The following GALNT17 variants were observed in gnomAD, a reference collection of about 807,000 sequenced individuals.
GALNT17 encodes polypeptide N-acetylgalactosaminyltransferase 17.
GALNT17 carries 29 observed loss-of-function variants against 63.7 expected under a neutral mutation model. The ratio of observed to expected loss-of-function variants is 0.46; its 90% confidence interval spans 0.34 to 0.62. GALNT17 has a LOEUF of 0.62. Among genes scored for constraint, GALNT17 ranks in the 20% least tolerant of loss-of-function variants. The pLI is 0.01. For synonymous variants in GALNT17, 305 were observed against 318.3 expected (o/e 0.96, Z 0.45); for missense variants, 603 against 799.6 (o/e 0.75, Z 2.97).
intron 5 of GALNT17, among the ~76,000 whole-genome samples, chr7:71,497,134 G>A (rs1788109503): frequency 6.6e-6 from 1 of 152,088 alleles, no homozygotes; most frequent in Admixed American, 6.5e-5. Flanking sequence ...ATTTGTCTAG[G>A]GAGGGAGATG....
chr7:71,224,020 G>A (rs1229675021), intron 1 of GALNT17, among the ~76,000 whole-genome samples: 1 of 151,962 alleles, frequency 6.6e-6, no homozygotes, highest in Non-Finnish European at 1.5e-5. Context: ...ATTTTGATGA[G>A]GTTTCAGAAA....
intron 1 of GALNT17, among the ~76,000 whole-genome samples, chr7:71,216,207 A>G (rs1732849149): frequency 6.6e-6 from 1 of 152,124 alleles, no homozygotes; most frequent in Non-Finnish European, 1.5e-5. Flanking sequence ...ACAGAGCAAG[A>G]CCCTGTCACA....
chr7:71,703,132 G>T (rs1301249332), intron 9 of GALNT17, among the ~76,000 whole-genome samples: 1 of 152,216 alleles, frequency 6.6e-6, no homozygotes, highest in Admixed American at 6.5e-5. Context: ...CTACATATAG[G>T]AGAAGTTATA....
chr7:71,495,006 C>T (rs1788072389), intron 5 of GALNT17, among the ~76,000 whole-genome samples: 2 of 152,198 alleles, frequency 1.3e-5, no homozygotes, highest in Non-Finnish European at 2.9e-5. Flanking sequence ...TGCAGTGGCT[C>T]ATGCCTGTAA....
chr7:71,314,275 G>A (rs879684951), intron 1 of GALNT17, among the ~76,000 whole-genome samples: 22 of 152,054 alleles, frequency 1.4e-4, no homozygotes, highest in Admixed American at 3.3e-4. Flanking sequence ...GTGTGTGTCC[G>A]TGTCCATGAC....
chr7:71,132,987 C>T lies in GALNT17; in HGVS notation c.185C>T (p.Ala62Val). ...SAHSASPIQDAVLKRLSLLED... is the reference protein window; with the variant it reads ...SAHSASPIQDVVLKRLSLLED... Reference sequence around the variant, plus strand: ...CACAGCGCCAGCCCCATCCAGGATGCGGTCCTGAAGCGCCTGTCGCTGCTG... The same window carrying T: ...CACAGCGCCAGCCCCATCCAGGATGTGGTCCTGAAGCGCCTGTCGCTGCTG... Residue 62 changes from alanine (A) to valine (V), a missense_variant, in exon 1 of 11, where the codon GCG becomes GTG. By Grantham distance (64) the Ala-to-Val change is moderately conservative. This residue lies in a region of GALNT17 where 195 missense variants were observed against 215.0 expected (regional missense o/e 0.91). Coordinates refer to ENST00000333538, the MANE Select transcript of GALNT17 (RefSeq NM_022479.3). The T allele has an allele frequency of 6.2e-7, 1 of 1,607,560 alleles. No homozygotes were observed. The highest frequency in any genetic ancestry group is 8.5e-7 in the Non-Finnish European group (1 of 1,178,516).
chr7:71,156,686 CT>C (rs1384481997), intron 1 of GALNT17, among the ~76,000 whole-genome samples: 1 of 145,242 alleles, frequency 6.9e-6, no homozygotes, highest in Non-Finnish European at 1.5e-5. Context: ...CCCTCCCTTC[CT>C]TCCTCTCTGT....
At chr7:71,589,809 T>A (rs931039362) in intron 6 of GALNT17, among the ~76,000 whole-genome samples, 1 of 152,210 alleles carries the variant, frequency 6.6e-6, no homozygotes, top group East Asian at 1.9e-4. Context: ...TCTACATAAT[T>A]TGAGTTCTAT....
intron 1 of GALNT17, among the ~76,000 whole-genome samples, chr7:71,176,322 T>C (rs921971549): frequency 6.6e-6 from 1 of 152,090 alleles, no homozygotes; most frequent in Non-Finnish European, 1.5e-5. Flanking sequence ...TGACGGGGTG[T>C]GGCAAGATCT....
chr7:71,159,692 A>G (rs1345217280), intron 1 of GALNT17, among the ~76,000 whole-genome samples: 1 of 148,900 alleles, frequency 6.7e-6, no homozygotes, highest in Non-Finnish European at 1.5e-5. Flanking sequence ...GTGAGCCCCC[A>G]ACATGCCTGG....
At chr7:71,620,728 C>T (rs968904391) in intron 6 of GALNT17, among the ~76,000 whole-genome samples, 5 of 152,166 alleles carry the variant, frequency 3.3e-5, no homozygotes, top group Non-Finnish European at 5.9e-5. Flanking sequence ...TTTGCCTTTT[C>T]TTTATGCACC....
chr7:71,139,583 T>C (rs1246501963), intron 1 of GALNT17, among the ~76,000 whole-genome samples: 2 of 152,126 alleles, frequency 1.3e-5, no homozygotes, highest in East Asian at 3.9e-4. Context: ...AAGACGCTCC[T>C]ATATAGCCCC....
At chr7:71,377,165 G>T (rs1301489093) in intron 2 of GALNT17, among the ~76,000 whole-genome samples, 2 of 135,712 alleles carry the variant, frequency 1.5e-5, no homozygotes, top group Non-Finnish European at 3.1e-5. Context: ...ATGATAAAGG[G>T]TTAGTTTGTT....
intron 1 of GALNT17, among the ~76,000 whole-genome samples, chr7:71,193,103 A>G (rs62459647): frequency 9.3e-4 from 127 of 136,536 alleles, no homozygotes; most frequent in Admixed American, 2.0e-3. Context: ...TTATTTATTT[A>G]TTTATTTATT....
At chr7:71,176,953 G>A (rs753259543) in intron 1 of GALNT17, among the ~76,000 whole-genome samples, 9 of 152,308 alleles carry the variant, frequency 5.9e-5, no homozygotes, top group East Asian at 1.9e-4. Flanking sequence ...CTCTAGAAGC[G>A]GAGAGGATGC....
chr7:71,608,369 G>C (rs1790076739), intron 6 of GALNT17, among the ~76,000 whole-genome samples: 1 of 152,144 alleles, frequency 6.6e-6, no homozygotes, highest in Non-Finnish European at 1.5e-5. Flanking sequence ...TTGGGGGAGG[G>C]GGAAGGGACA....
chr7:71,326,712 A>G (rs1273757868), intron 1 of GALNT17, among the ~76,000 whole-genome samples: 2 of 152,186 alleles, frequency 1.3e-5, no homozygotes, highest in African/African-American at 4.8e-5. Context: ...AAAAAACACT[A>G]TTAATATGAG....
chr7:71,603,199 T>C (rs1789992700), intron 6 of GALNT17, among the ~76,000 whole-genome samples: 1 of 151,944 alleles, frequency 6.6e-6, no homozygotes, highest in East Asian at 1.9e-4. Context: ...TTATGCTAAG[T>C]GCATATACTA....
chr7:71,487,339 C>T (rs980231366), intron 5 of GALNT17, among the ~76,000 whole-genome samples: 3 of 152,112 alleles, frequency 2.0e-5, no homozygotes, highest in South Asian at 2.1e-4. Flanking sequence ...AATCCTTCCT[C>T]GGCTTACTTG....
Sources: gnomAD v4.1 joint callset for allele counts (sites outside exome capture counted in the v4.1 genomes callset) on GRCh38, gnomAD v4.1.1 for gene constraint, gnomAD v4.1.1 regional missense constraint, MANE v1.5 for transcripts, NCBI Gene and HGNC (gene_info 2026-07-23, HGNC 2026-07-21) for gene names.